Variants in FAAH2 observed in about 807,000 individuals in gnomAD.
The protein encoded by FAAH2 is fatty-acid amide hydrolase 2.
In FAAH2, 60 loss-of-function variants were observed where a neutral mutation model predicts 36.9. That is an observed-to-expected ratio of 1.63 (90% CI 1.32 to 2.02). The LOEUF is 2.02. Ranked by LOEUF, FAAH2 falls within the 30% of genes most tolerant of loss-of-function variation. The probability of loss-of-function intolerance (pLI) is 0.00; values close to 1 mark genes in which losing one functional copy is unlikely to be tolerated. For synonymous variants in FAAH2, 214 were observed against 143.8 expected (o/e 1.49, Z -3.49); for missense variants, 689 against 397.5 (o/e 1.73, Z -6.23).
chrX:57,215,933 A>ATATC, the FAAH2 span, among the ~76,000 whole-genome samples: 2 of 101,665 alleles, frequency 2.0e-5, no homozygotes, highest in Non-Finnish European at 3.9e-5. Flanking sequence ...ATATATATAT[A>ATATC]TACCTGCACG....
chrX:57,123,050 T>C, the FAAH2 span, among the ~76,000 whole-genome samples: 1 of 111,428 alleles, frequency 9.0e-6, no homozygotes, highest in Non-Finnish European at 1.9e-5. Context: ...ATGTGCACAA[T>C]GTGCAGGTTA....
At chrX:57,426,963 T>A (rs2056176774) in intron 7 of FAAH2, among the ~76,000 whole-genome samples, 1 of 110,734 alleles carries the variant, frequency 9.0e-6, no homozygotes, top group African/African-American at 3.3e-5. Flanking sequence ...GAAGTTTATT[T>A]AAAAAAATAA....
At chrX:57,426,037 G>A (rs1189604608) in intron 7 of FAAH2, among the ~76,000 whole-genome samples, 2 of 112,017 alleles carry the variant, frequency 1.8e-5, no homozygotes, top group East Asian at 2.8e-4. Context: ...AAGTAAGCAA[G>A]AGTATCATGT....
chrX:57,216,600 A>ATATATG, the FAAH2 span, among the ~76,000 whole-genome samples: 2 of 42,905 alleles, frequency 4.7e-5, no homozygotes, highest in Non-Finnish European at 8.0e-5. Flanking sequence ...ATATATATGT[A>ATATATG]TATATATACG....
intron 8 of FAAH2, among the ~76,000 whole-genome samples, chrX:57,433,603 T>C (rs181818758): frequency 2.2e-3 from 242 of 112,143 alleles, no homozygotes; most frequent in African/African-American, 7.1e-3. Flanking sequence ...TAAACATTTA[T>C]TATTTCTTTG....
chrX:57,350,438 A>T (rs1199464751), intron 5 of FAAH2, among the ~76,000 whole-genome samples: 1 of 110,193 alleles, frequency 9.1e-6, no homozygotes, highest in African/African-American at 3.3e-5. Flanking sequence ...ATGACAAACA[A>T]CGTGGGAAAA....
chrX:57,369,765 T>C (rs1174224645), intron 5 of FAAH2, among the ~76,000 whole-genome samples: 1 of 111,946 alleles, frequency 8.9e-6, no homozygotes, highest in Non-Finnish European at 1.9e-5. Context: ...CATATGAAAC[T>C]ATAACTAATA....
At chrX:57,419,511 G>A (rs2055948224) in intron 7 of FAAH2, among the ~76,000 whole-genome samples, 1 of 112,143 alleles carries the variant, frequency 8.9e-6, no homozygotes, top group Non-Finnish European at 1.9e-5. Flanking sequence ...CAGCATAAAT[G>A]TCTTCTTTTG....
Position 57,331,550 on chromosome X carries a change from T to A in FAAH2, c.413-48T>A, listed in dbSNP as rs763758763. The A allele has an allele frequency of 1.1e-5, 12 of 1,106,612 alleles. No homozygotes were observed. In the Admixed American group the frequency reaches 2.6e-4, roughly 24 times the overall value. 91.2% of individuals were successfully genotyped at this position (1,106,612 alleles called of 1,213,427 possible). ...ATCTTGCCCCTCAGGAGAAAACAACTATTTTTATTTAATAATTTTTAAACA... is the reference window on the plus strand; with the variant it reads ...ATCTTGCCCCTCAGGAGAAAACAACAATTTTTATTTAATAATTTTTAAACA... On this transcript the variant is annotated intron_variant, in intron 3 of 10. Coordinates refer to ENST00000374900, the MANE Select transcript of FAAH2 (RefSeq NM_174912.4).
intron 5 of FAAH2, among the ~76,000 whole-genome samples, chrX:57,356,809 C>T (rs187890274): frequency 0.011 from 1,215 of 109,888 alleles, 9 homozygotes; most frequent in Non-Finnish European, 0.018. Context: ...AATTATTATA[C>T]GTTAAGTTCT....
intron 2 of FAAH2, among the ~76,000 whole-genome samples, chrX:57,308,238 G>A (rs1299624482): frequency 8.9e-6 from 1 of 111,908 alleles, no homozygotes; most frequent in African/African-American, 3.2e-5. Flanking sequence ...CACTATGGCT[G>A]AACTAATTTA....
chrX:57,420,457 T>C (rs2055985804), intron 7 of FAAH2, among the ~76,000 whole-genome samples: 1 of 111,921 alleles, frequency 8.9e-6, no homozygotes, highest in African/African-American at 3.2e-5. Context: ...GTTGGATTCC[T>C]AGGTATTTTA....
chrX:57,278,630 C>A, the FAAH2 span, among the ~76,000 whole-genome samples: 6 of 74,925 alleles, frequency 8.0e-5, 1 homozygote, highest in African/African-American at 6.5e-4. Context: ...ATAATAATAA[C>A]AATAAAACAA....
At chrX:57,380,492 A>G (rs1464555796) in intron 6 of FAAH2, among the ~76,000 whole-genome samples, 2 of 112,166 alleles carry the variant, frequency 1.8e-5, no homozygotes, top group Non-Finnish European at 3.8e-5. Context: ...TGACTGGATG[A>G]CCAAAATCAA....
At chrX:57,331,471 C>A in intron 3 of FAAH2, 127 bp from the exon 4 acceptor site, 1 of 517,408 alleles carries the variant, frequency 1.9e-6, no homozygotes, top group South Asian at 3.4e-5. Flanking sequence ...GCCAGTCTTT[C>A]CAATGCCCCA....
At chrX:57,374,817 C>T (rs183608045) in intron 5 of FAAH2, among the ~76,000 whole-genome samples, 9 of 111,037 alleles carry the variant, frequency 8.1e-5, no homozygotes, top group African/African-American at 2.9e-4. Flanking sequence ...TCTACTTTTC[C>T]CCGTTCAGTA....
At chrX:57,325,008 C>T (rs1002050196) in intron 3 of FAAH2, among the ~76,000 whole-genome samples, 4 of 111,842 alleles carry the variant, frequency 3.6e-5, no homozygotes, top group South Asian at 3.7e-4. Flanking sequence ...TTTTGAGATA[C>T]GTCCCATCAA....
chrX:57,387,070 G>A (rs1265889376), intron 7 of FAAH2, among the ~76,000 whole-genome samples: 2 of 111,807 alleles, frequency 1.8e-5, no homozygotes, highest in African/African-American at 6.5e-5. Context: ...GGTTCCATAA[G>A]AGAAATTTTA....
At chrX:57,380,804 C>T (rs1329205523) in intron 6 of FAAH2, 108 bp from the exon 7 acceptor site, 4 of 471,817 alleles carry the variant, frequency 8.5e-6, no homozygotes, top group South Asian at 4.6e-5. Flanking sequence ...GCACACAGTG[C>T]TCAGGGAAAA....
Sources: gnomAD v4.1 joint callset for allele counts (sites outside exome capture counted in the v4.1 genomes callset) on GRCh38, gnomAD v4.1.1 for gene constraint, MANE v1.5 for transcripts, NCBI Gene and HGNC (gene_info 2026-07-23, HGNC 2026-07-21) for gene names.